The following LOC400499 variants were observed in gnomAD, a reference collection of about 807,000 sequenced individuals.
At chr16:11,488,286 G>C in the LOC400499 span, among the ~76,000 whole-genome samples, 2 of 152,156 alleles carry the variant, frequency 1.3e-5, no homozygotes, top group African/African-American at 4.8e-5. Context: ...TTAGAGAAAA[G>C]ATGTAAGTAT....
the LOC400499 span, among the ~76,000 whole-genome samples, chr16:11,414,112 G>C: frequency 6.6e-6 from 1 of 152,204 alleles, no homozygotes; most frequent in African/African-American, 2.4e-5. Context: ...GGAGCCAGAC[G>C]AGGCTCCAGG....
chr16:11,433,167 G>A, the LOC400499 span, among the ~76,000 whole-genome samples: 5 of 152,204 alleles, frequency 3.3e-5, no homozygotes, highest in African/African-American at 1.2e-4. Context: ...GGCCCACAAA[G>A]CTGAAAATAT....
chr16:11,447,810 G>A, the LOC400499 span: 1 of 1,301,916 alleles, frequency 7.7e-7, no homozygotes, highest in East Asian at 2.8e-5. Context: ...GTTCCATCTG[G>A]GCCCCAGCAG....
At chr16:11,405,185 G>A in the LOC400499 span, among the ~76,000 whole-genome samples, 139 of 152,278 alleles carry the variant, frequency 9.1e-4, no homozygotes, top group African/African-American at 3.3e-3. Flanking sequence ...GAAAATGGAG[G>A]CCAGAAAGTG....
the LOC400499 span, among the ~76,000 whole-genome samples, chr16:11,495,728 T>G: frequency 1.3e-5 from 2 of 152,346 alleles, no homozygotes; most frequent in East Asian, 3.9e-4. Context: ...CAAGCCAGAC[T>G]GCTGATAACA....
chr16:11,496,749 T>G, the LOC400499 span, among the ~76,000 whole-genome samples: 4 of 152,090 alleles, frequency 2.6e-5, no homozygotes, highest in Non-Finnish European at 4.4e-5. Flanking sequence ...TGTCCAGGTG[T>G]GGGTGGCTGT....
the LOC400499 span, chr16:11,488,936 A>G: frequency 2.5e-6 from 1 of 397,662 alleles, no homozygotes; most frequent in Non-Finnish European, 4.4e-6. Context: ...CTGTCCAGAG[A>G]AAAGACCCTC....
the LOC400499 span, among the ~76,000 whole-genome samples, chr16:11,406,895 C>T: frequency 0.22 from 32,732 of 152,186 alleles, 3,943 homozygotes; most frequent in Non-Finnish European, 0.28. Flanking sequence ...TGGCATATTT[C>T]GTTTGTGTGA....
At chr16:11,449,479 G>C in the LOC400499 span, among the ~76,000 whole-genome samples, 1 of 152,110 alleles carries the variant, frequency 6.6e-6, no homozygotes, top group Admixed American at 6.5e-5. Context: ...TGGTCTTCGG[G>C]AGTCCTAGGA....
At chr16:11,461,169 G>C in the LOC400499 span, 1 of 1,488,220 alleles carries the variant, frequency 6.7e-7, no homozygotes. Flanking sequence ...CCAGGGACCA[G>C]CACCCCCATC....
the LOC400499 span, among the ~76,000 whole-genome samples, chr16:11,454,598 G>C: frequency 3.3e-5 from 5 of 152,354 alleles, no homozygotes; most frequent in South Asian, 6.2e-4. Flanking sequence ...GCTTGGAAAA[G>C]GCAAGGGAGG....
the LOC400499 span, among the ~76,000 whole-genome samples, chr16:11,374,740 C>G: frequency 6.6e-6 from 1 of 152,172 alleles, no homozygotes; most frequent in Non-Finnish European, 1.5e-5. Flanking sequence ...TGGGTTGCTG[C>G]TGTCTTCTGG....
chr16:11,393,182 C>T, the LOC400499 span, among the ~76,000 whole-genome samples: 1 of 143,364 alleles, frequency 7.0e-6, no homozygotes, highest in East Asian at 2.2e-4. Flanking sequence ...TAAGTAGAGA[C>T]GGGGTCTCAC....
the LOC400499 span, among the ~76,000 whole-genome samples, chr16:11,452,201 G>GTTTTTTTTTTTTTTT: frequency 3.9e-5 from 3 of 77,196 alleles, no homozygotes; most frequent in Admixed American, 1.2e-4. Flanking sequence ...CAGTTTTTTT[G>GTTTTTTTTTTTTTTT]TTTGTTTTTT....
the LOC400499 span, chr16:11,398,522 G>A: frequency 1.6e-6 from 2 of 1,232,094 alleles, no homozygotes; most frequent in East Asian, 6.3e-5. Context: ...GGAATGAGAG[G>A]GCCTATGGGT....
the LOC400499 span, chr16:11,516,020 C>G: frequency 2.5e-6 from 1 of 399,576 alleles, no homozygotes; most frequent in Non-Finnish European, 4.4e-6. Context: ...TAGCCAGTCC[C>G]CATGGTGCTG....
At chr16:11,483,757 C>A in the LOC400499 span, among the ~76,000 whole-genome samples, 3 of 150,798 alleles carry the variant, frequency 2.0e-5, no homozygotes, top group Non-Finnish European at 4.4e-5. Context: ...TGCCTATAGT[C>A]CCAGCTACTC....
the LOC400499 span, among the ~76,000 whole-genome samples, chr16:11,444,812 T>C: frequency 1.3e-5 from 2 of 152,068 alleles, no homozygotes; most frequent in African/African-American, 4.8e-5. Context: ...CCAGGTACGG[T>C]GGTTCACACC....
chr16:11,497,034 C>T, the LOC400499 span, among the ~76,000 whole-genome samples: 1 of 151,866 alleles, frequency 6.6e-6, no homozygotes, highest in Non-Finnish European at 1.5e-5. Context: ...GTGTGTAGGT[C>T]TGTGTGTGTA....
Sources: gnomAD v4.1 joint callset for allele counts (sites outside exome capture counted in the v4.1 genomes callset) on GRCh38, gnomAD v4.1.1 for gene constraint, MANE v1.5 for transcripts.